CADPS2: variants seen among roughly 807,000 people sequenced by gnomAD.
CADPS2 encodes calcium-dependent secretion activator 2.
A neutral mutation model predicts 172.5 loss-of-function variants in CADPS2; 93 were observed. The observed-to-expected ratio is 0.54, with a 90% CI of 0.46 to 0.64. The LOEUF (loss-of-function observed/expected upper bound fraction) is 0.64, where lower values mean the gene tolerates loss of function less well. Among genes scored for constraint, CADPS2 ranks in the 30% least tolerant of loss-of-function variants. The pLI, the probability that CADPS2 is intolerant of heterozygous loss-of-function variation, is 0.00. For missense variants in CADPS2, 1,420 were observed against 1,565.9 expected (o/e 0.91, Z 1.57); for synonymous variants, 546 against 555.2 (o/e 0.98, Z 0.23).
At chr7:122,645,529 T>C (rs1279780179) in intron 3 of CADPS2, among the ~76,000 whole-genome samples, 2 of 25,642 alleles carry the variant, frequency 7.8e-5, no homozygotes, top group Non-Finnish European at 1.6e-4. Flanking sequence ...TATATATAAG[T>C]ATATATATAT....
At chr7:122,645,592 TTATA>T (rs74221978) in intron 3 of CADPS2, among the ~76,000 whole-genome samples, 2 of 123,662 alleles carry the variant, frequency 1.6e-5, no homozygotes, top group African/African-American at 2.9e-5. Context: ...GCTATAGAGA[TTATA>T]TATATATATA....
At chr7:122,855,074 T>A (rs887883091) in intron 1 of CADPS2, among the ~76,000 whole-genome samples, 2 of 152,228 alleles carry the variant, frequency 1.3e-5, no homozygotes, top group African/African-American at 4.8e-5. Flanking sequence ...GAAAGCTTTT[T>A]AAAGTGTGAC....
chr7:122,795,893 C>T (rs1343477370), intron 1 of CADPS2, among the ~76,000 whole-genome samples: 3 of 151,994 alleles, frequency 2.0e-5, no homozygotes, highest in Non-Finnish European at 4.4e-5. Flanking sequence ...TATAGGGCAT[C>T]CAAATAGGAA....
rs752464403 is a variant in CADPS2 at position 122,640,511 on chromosome 7, AG to A, written c.787-11184del. On this transcript the variant is annotated intron_variant, in intron 3 of 29. Coordinates refer to ENST00000449022, the MANE Select transcript of CADPS2 (RefSeq NM_017954.11). ...CACACAGAGATAGAGAGAGAGAGAG[AG>A]AAAAAAAAAGAAGGGAAGGGGAGAA... Among the ~76,000 whole-genome samples the A allele has an allele frequency of 3.8e-3, 561 of 148,940 alleles. 3 individuals carry two copies. The highest frequency in any genetic ancestry group is 0.011 in the African/African-American group (465 of 40,946).
At chr7:122,432,999 G>A (rs1219513326) in intron 17 of CADPS2, among the ~76,000 whole-genome samples, 1 of 151,914 alleles carries the variant, frequency 6.6e-6, no homozygotes, top group African/African-American at 2.4e-5. Flanking sequence ...TTGGAGACAG[G>A]GTCTCCTTCT....
chr7:122,598,976 G>A (rs1162958317), intron 6 of CADPS2, among the ~76,000 whole-genome samples: 1 of 152,066 alleles, frequency 6.6e-6, no homozygotes, highest in Non-Finnish European at 1.5e-5. Context: ...AAGGAGGGAA[G>A]CAAGGGCTCA....
intron 9 of CADPS2, 77 bp downstream of exon 9, chr7:122,513,172 G>T: frequency 2.2e-6 from 2 of 919,862 alleles, no homozygotes; most frequent in South Asian, 1.6e-5. Flanking sequence ...AGTAAATTTT[G>T]ATAGATATAA....
At chr7:122,554,459 G>T in intron 8 of CADPS2, 91 bp downstream of exon 8, 1 of 1,242,562 alleles carries the variant, frequency 8.0e-7, no homozygotes, top group Non-Finnish European at 1.1e-6. Flanking sequence ...GTGAAAGCCT[G>T]CTATACTGGT....
intron 6 of CADPS2, among the ~76,000 whole-genome samples, chr7:122,592,177 G>A (rs1327141069): frequency 2.6e-5 from 4 of 152,146 alleles, no homozygotes; most frequent in Non-Finnish European, 4.4e-5. Flanking sequence ...AGTGGGCGAA[G>A]GAGATGAACA....
chr7:122,464,938 T>G (rs1374968578), intron 14 of CADPS2, among the ~76,000 whole-genome samples: 1 of 152,208 alleles, frequency 6.6e-6, no homozygotes, highest in African/African-American at 2.4e-5. Context: ...GACAAATGTA[T>G]GACAATAACA....
intron 6 of CADPS2, among the ~76,000 whole-genome samples, chr7:122,594,277 G>GA (rs11458033): frequency 0.033 from 4,955 of 150,734 alleles, 258 homozygotes; most frequent in African/African-American, 0.11. Flanking sequence ...TCAAAAAGGG[G>GA]AAAAAAAAAT....
At chr7:122,366,722 CAT>C (rs764344450) in intron 25 of CADPS2, 2 of 143,750 alleles carry the variant, frequency 1.4e-5, no homozygotes, top group Admixed American at 6.9e-5. Context: ...TATATACACA[CAT>C]ATATGTATAA....
At chr7:122,824,801 TTTTTA>T (rs1804415319) in intron 1 of CADPS2, among the ~76,000 whole-genome samples, 3 of 152,206 alleles carry the variant, frequency 2.0e-5, no homozygotes, top group Admixed American at 6.5e-5. Flanking sequence ...ATGATTTTAT[TTTTTA>T]TATTTAGAAG....
chr7:122,404,372 T>C (rs1231093724), intron 20 of CADPS2, among the ~76,000 whole-genome samples: 1 of 152,192 alleles, frequency 6.6e-6, no homozygotes, highest in African/African-American at 2.4e-5. Context: ...ATGGGCCACA[T>C]TTCTTAATCC....
At chr7:122,589,895 T>G (rs1309897027) in intron 6 of CADPS2, among the ~76,000 whole-genome samples, 3 of 151,890 alleles carry the variant, frequency 2.0e-5, no homozygotes, top group African/African-American at 7.2e-5. Context: ...AGGTTTGCAA[T>G]CATTTATTGA....
Position 122,886,448 on chromosome 7 carries a change from C to G in CADPS2, c.-111G>C. ...GGGGCTGGCTGCAGCGGCCGCAGAA[C>G]GAAAGGAAAACTGGCCAGGGCTTTC... On this transcript the variant is annotated 5_prime_UTR_variant, in exon 1 of 30. Coordinates refer to ENST00000449022, the MANE Select transcript of CADPS2 (RefSeq NM_017954.11). 7.3e-7 allele frequency: 1 copy of G among 1,378,894 alleles called. No homozygotes were observed. Among genetic ancestry groups the G allele is most frequent in the Non-Finnish European group, 9.3e-7 (1 of 1,073,378 alleles). The allele number at this position is 1,378,894 out of a possible 1,614,324, so 85.4% of individuals were successfully genotyped here.
intron 1 of CADPS2, among the ~76,000 whole-genome samples, chr7:122,882,245 A>G (rs1823102111): frequency 6.6e-6 from 1 of 152,184 alleles, no homozygotes; most frequent in African/African-American, 2.4e-5. Context: ...AAAATTATGC[A>G]AAGTGGTAGG....
At chr7:122,697,922 C>T (rs750370165) in intron 2 of CADPS2, 5 of 1,613,820 alleles carry the variant, frequency 3.1e-6, no homozygotes, top group Non-Finnish European at 3.4e-6. Context: ...GTCTCCTCTT[C>T]ACTAGGTGAT....
At chr7:122,702,381 C>A in intron 2 of CADPS2, 6 of 1,613,780 alleles carry the variant, frequency 3.7e-6, no homozygotes, top group Non-Finnish European at 5.1e-6. Flanking sequence ...ACCCCATTTG[C>A]TCCCTTCTCT....
Sources: gnomAD v4.1 joint callset for allele counts (sites outside exome capture counted in the v4.1 genomes callset) on GRCh38, gnomAD v4.1.1 for gene constraint, MANE v1.5 for transcripts, NCBI Gene and HGNC (gene_info 2026-07-23, HGNC 2026-07-21) for gene names.